The following MAD1L1 variants were observed in gnomAD, a reference collection of about 807,000 sequenced individuals.
MAD1L1 encodes mitotic arrest deficient 1 like 1.
Under a neutral mutation model 96.9 loss-of-function variants are expected in MAD1L1, and 95 were observed. That is an observed-to-expected ratio of 0.98 (90% CI 0.83 to 1.16). The LOEUF (loss-of-function observed/expected upper bound fraction) is 1.16. Among genes scored for constraint, MAD1L1 ranks in the 50% most tolerant of loss-of-function variants. MAD1L1 has a pLI of 0.00. For synonymous variants in MAD1L1, 473 were observed against 396.6 expected, an observed-to-expected ratio of 1.19 and a Z score of -2.29; for missense variants, 1,007 against 954.4, an observed-to-expected ratio of 1.06 and a Z score of -0.73.
intron 11 of MAD1L1, among the ~76,000 whole-genome samples, chr7:2,135,788 G>A (rs1788721014): frequency 6.6e-6 from 1 of 152,254 alleles, no homozygotes. Flanking sequence ...CCAAGGGAAA[G>A]TACACTCATG....
chr7:2,185,874 G>C (rs760369184), intron 10 of MAD1L1, among the ~76,000 whole-genome samples: 9 of 152,210 alleles, frequency 5.9e-5, no homozygotes, highest in Non-Finnish European at 1.0e-4. Context: ...AGGCCCTTGG[G>C]CCAGGGTGGG....
At chr7:2,066,383 G>A (rs56085961) in intron 12 of MAD1L1, among the ~76,000 whole-genome samples, 5,121 of 152,340 alleles carry the variant, frequency 0.034, 182 homozygotes, top group Admixed American at 0.094. Flanking sequence ...GCTTCATCAC[G>A]GCTGGCTGGA....
intron 18 of MAD1L1, among the ~76,000 whole-genome samples, chr7:1,839,933 G>A (rs1783153748): frequency 6.6e-6 from 1 of 152,196 alleles, no homozygotes; most frequent in Admixed American, 6.5e-5. Flanking sequence ...GACCCTGCCT[G>A]GCCATCGGCC....
Position 1,815,831 on chromosome 7 carries a change from C to G in MAD1L1, c.*239G>C. Reference sequence around the variant, plus strand: ...AGATTTTATTTCACAAGGTGAGGAACCCAGGCTGGTGGCCGACGCCCACAC... The same window carrying G: ...AGATTTTATTTCACAAGGTGAGGAAGCCAGGCTGGTGGCCGACGCCCACAC... On this transcript the variant is annotated 3_prime_UTR_variant, in exon 19 of 19. Coordinates refer to ENST00000265854, the MANE Select transcript of MAD1L1 (RefSeq NM_001013836.2). 5.6e-6 allele frequency: 3 copies of G among 532,786 alleles called. No homozygotes were observed. In the South Asian group the frequency reaches 7.5e-5, roughly 13 times the overall value. The allele number at this position is 532,786 out of a possible 1,614,324, so 33.0% of individuals were successfully genotyped here.
chr7:2,128,535 C>T (rs1038591160), intron 11 of MAD1L1, among the ~76,000 whole-genome samples: 5 of 152,238 alleles, frequency 3.3e-5, no homozygotes, highest in Non-Finnish European at 5.9e-5. Context: ...TGAGGGAAGG[C>T]CCTGACGGGA....
At chr7:1,948,915 G>A (rs867515461) in intron 16 of MAD1L1, among the ~76,000 whole-genome samples, 6 of 152,202 alleles carry the variant, frequency 3.9e-5, no homozygotes, top group Admixed American at 1.3e-4. Context: ...GAACAGAGAC[G>A]AGATGCATAG....
intron 10 of MAD1L1, among the ~76,000 whole-genome samples, chr7:2,177,860 G>C (rs558653256): frequency 6.6e-6 from 1 of 152,224 alleles, no homozygotes; most frequent in Admixed American, 6.5e-5. Context: ...CTCTGGAGAA[G>C]GACTGCAGCC....
chr7:1,882,696 T>C (rs1785760786), intron 18 of MAD1L1, among the ~76,000 whole-genome samples: 2 of 152,186 alleles, frequency 1.3e-5, no homozygotes, highest in African/African-American at 2.4e-5. Flanking sequence ...TGGGTGGGCA[T>C]GACATGGGCT....
chr7:1,899,185 G>A (rs1031879883), intron 17 of MAD1L1, among the ~76,000 whole-genome samples: 2 of 152,242 alleles, frequency 1.3e-5, no homozygotes, highest in Non-Finnish European at 2.9e-5. Context: ...GCTCTGCAGA[G>A]CCATCAGGAG....
intron 11 of MAD1L1, among the ~76,000 whole-genome samples, chr7:2,084,619 C>T (rs565707953): frequency 6.6e-6 from 1 of 152,224 alleles, no homozygotes; most frequent in Non-Finnish European, 1.5e-5. Context: ...GCGGCCACTG[C>T]AGCCGCCAGC....
At chr7:1,958,794 G>T (rs1427842836) in intron 15 of MAD1L1, among the ~76,000 whole-genome samples, 1 of 152,212 alleles carries the variant, frequency 6.6e-6, no homozygotes, top group African/African-American at 2.4e-5. Flanking sequence ...TTAGACAGTT[G>T]TTAAAACTAC....
intron 14 of MAD1L1, among the ~76,000 whole-genome samples, chr7:1,987,570 AG>A (rs924791965): frequency 3.7e-5 from 5 of 135,670 alleles, no homozygotes; most frequent in Admixed American, 2.9e-4. Flanking sequence ...GCCATCGGGG[AG>A]GGGGGGAGAG....
intron 14 of MAD1L1, among the ~76,000 whole-genome samples, chr7:1,983,618 A>C (rs559523978): frequency 6.6e-6 from 1 of 152,372 alleles, no homozygotes; most frequent in South Asian, 2.1e-4. Context: ...CCATCGAGGT[A>C]TACATAATTT....
intron 10 of MAD1L1, among the ~76,000 whole-genome samples, chr7:2,166,908 G>A (rs533831436): frequency 3.3e-5 from 5 of 152,212 alleles, no homozygotes; most frequent in African/African-American, 9.6e-5. Flanking sequence ...CCTGGGCGGC[G>A]CACTCCGCTC....
At chr7:1,887,745 G>A (rs552493554) in intron 18 of MAD1L1, among the ~76,000 whole-genome samples, 4 of 151,456 alleles carry the variant, frequency 2.6e-5, no homozygotes, top group South Asian at 2.1e-4. Context: ...GGCTTCCTGT[G>A]CATGTGTCCA....
intron 16 of MAD1L1, among the ~76,000 whole-genome samples, chr7:1,937,685 ACAT>A (rs1778691844): frequency 7.3e-6 from 1 of 136,756 alleles, no homozygotes; most frequent in African/African-American, 2.8e-5. Context: ...CCACACACAA[ACAT>A]CAGCCGCCCA....
chr7:1,919,245 G>A (rs777864078), intron 17 of MAD1L1, among the ~76,000 whole-genome samples: 4 of 152,228 alleles, frequency 2.6e-5, no homozygotes, highest in South Asian at 2.1e-4. Flanking sequence ...CAACTGTTAC[G>A]ACGTGGAGCA....
At chr7:1,879,072 A>G (rs533881847) in intron 18 of MAD1L1, among the ~76,000 whole-genome samples, 34 of 152,384 alleles carry the variant, frequency 2.2e-4, no homozygotes, top group Admixed American at 2.2e-3. Flanking sequence ...AAAAATACAC[A>G]TAACCTGCAT....
chr7:2,172,472 A>C (rs1790752285), intron 10 of MAD1L1, among the ~76,000 whole-genome samples: 1 of 152,170 alleles, frequency 6.6e-6, no homozygotes, highest in Non-Finnish European at 1.5e-5. Context: ...TCCAGAGAAC[A>C]TCCACGCCTC....
Sources: gnomAD v4.1 joint callset for allele counts (sites outside exome capture counted in the v4.1 genomes callset) on GRCh38, gnomAD v4.1.1 for gene constraint, MANE v1.5 for transcripts, NCBI Gene and HGNC (gene_info 2026-07-23, HGNC 2026-07-21) for gene names.